Variants in ADAMTS17 observed in about 807,000 individuals in gnomAD.
The protein encoded by ADAMTS17 is A disintegrin and metalloproteinase with thrombospondin motifs 17.
In ADAMTS17, 113 loss-of-function variants were observed where a neutral mutation model predicts 141.5. The ratio of observed to expected loss-of-function variants is 0.80; its 90% CI spans 0.69 to 0.93. ADAMTS17 has a LOEUF of 0.93. ADAMTS17 is among the 40% of genes least tolerant of loss of function. The pLI is 0.00. For missense variants in ADAMTS17, 1,659 were observed against 1,517.9 expected (o/e 1.09, Z -1.54); for synonymous variants, 768 against 630.6 (o/e 1.22, Z -3.27).
At chr15:100,262,594 T>G (rs1338568803) in intron 4 of ADAMTS17, among the ~76,000 whole-genome samples, 159 bp from the exon 5 acceptor site, 1 of 152,096 alleles carries the variant, frequency 6.6e-6, no homozygotes, top group Non-Finnish European at 1.5e-5. Flanking sequence ...GTATCAGTAT[T>G]GGTGCATTAA....
At chr15:100,276,681 A>G (rs1263401380) in intron 4 of ADAMTS17, among the ~76,000 whole-genome samples, 1 of 152,124 alleles carries the variant, frequency 6.6e-6, no homozygotes, top group Non-Finnish European at 1.5e-5. Context: ...ACAGCCCCAC[A>G]GAAAACATGC....
intron 7 of ADAMTS17, among the ~76,000 whole-genome samples, chr15:100,220,516 G>A (rs2042101402): frequency 1.3e-5 from 2 of 152,148 alleles, no homozygotes; most frequent in Admixed American, 1.3e-4. Flanking sequence ...TTTTGTATTA[G>A]GATATAATTC....
At chr15:100,323,575 G>T (rs1241938754) in intron 3 of ADAMTS17, among the ~76,000 whole-genome samples, 2 of 151,900 alleles carry the variant, frequency 1.3e-5, no homozygotes, top group Non-Finnish European at 2.9e-5. Flanking sequence ...TACTCAAGAA[G>T]TTAGGGAAAA....
At position 99,993,352 on chromosome 15, in the gene ADAMTS17, G is replaced by T; in HGVS notation, c.2797-152C>A. On this transcript the variant is annotated intron_variant, in intron 19 of 21. Coordinates refer to ENST00000268070, the MANE Select transcript of ADAMTS17 (RefSeq NM_139057.4). The surrounding 1 kb of genome is among the most constrained non-coding windows in gnomAD (Gnocchi z 4.3). ...GTCCTCAAAAAGCTCCTGGTCTGCA[G>T]GGTCTTACGCACGTGGTCCCAGCTG... 8.3e-7 allele frequency: 1 copy of T among 1,206,066 alleles called. No homozygotes were observed. The highest frequency in any genetic ancestry group is 1.2e-6 in the Non-Finnish European group (1 of 839,604). 74.7% of individuals were successfully genotyped at this position (1,206,066 alleles called of 1,614,324 possible). A position where few individuals can be genotyped will look rare whatever the true frequency, so the allele number is the denominator to read the frequency against.
chr15:100,277,581 G>A (rs1567474060), intron 4 of ADAMTS17, among the ~76,000 whole-genome samples: 2 of 152,222 alleles, frequency 1.3e-5, no homozygotes, highest in African/African-American at 4.8e-5. Flanking sequence ...CTGGTGCAGA[G>A]CCAAGCCCCT....
chr15:100,022,037 G>A (rs996341962), intron 18 of ADAMTS17, among the ~76,000 whole-genome samples: 1 of 152,170 alleles, frequency 6.6e-6, no homozygotes, highest in African/African-American at 2.4e-5. Context: ...TAGGAGTCAA[G>A]AGGCTCAGAT....
At chr15:100,236,616 T>C (rs910215858) in intron 7 of ADAMTS17, among the ~76,000 whole-genome samples, 1 of 152,094 alleles carries the variant, frequency 6.6e-6, no homozygotes, top group African/African-American at 2.4e-5. Flanking sequence ...GACAGGAGGA[T>C]CACTAGAGGC....
In ADAMTS17 at chr15:99,996,442, T is replaced by C. The variant is rs557247564; in HGVS notation, c.2796+943A>G. On this transcript the variant is annotated intron_variant, in intron 19 of 21. Transcript: ENST00000268070. ...AATGTTAAACTGACAAACGTAAGCA[T>C]AGACAAAGACAAAAAAATCAAACAA... is the stretch of plus-strand genomic sequence containing the variant. Among the ~76,000 whole-genome samples, 6 of 152,274 alleles carry C rather than the reference T, an allele frequency of 3.9e-5. No homozygotes were observed. In the South Asian group the frequency reaches 1.0e-3, roughly 26 times the overall value.
chr15:100,305,497 C>G (rs562373360), intron 3 of ADAMTS17, among the ~76,000 whole-genome samples: 1 of 152,304 alleles, frequency 6.6e-6, no homozygotes, highest in Admixed American at 6.5e-5. Context: ...CACAAGGCCC[C>G]CTAGATGGCC....
intron 12 of ADAMTS17, among the ~76,000 whole-genome samples, chr15:100,122,557 T>C (rs1259416686): frequency 6.6e-6 from 1 of 152,210 alleles, no homozygotes; most frequent in Non-Finnish European, 1.5e-5. Context: ...CCCTCACATG[T>C]AGTAGAAAAT....
At chr15:100,324,036 A>AG (rs1415423283) in intron 3 of ADAMTS17, among the ~76,000 whole-genome samples, 1 of 151,738 alleles carries the variant, frequency 6.6e-6, no homozygotes, top group African/African-American at 2.4e-5. Context: ...AAAAAAAAAA[A>AG]AAAAGAAGAA....
chr15:99,975,432 A>G (rs1209480100), intron 21 of ADAMTS17, among the ~76,000 whole-genome samples: 1 of 151,950 alleles, frequency 6.6e-6, no homozygotes, highest in South Asian at 2.1e-4. Flanking sequence ...CTGGTCTCGA[A>G]CTCCTGACCT....
intron 13 of ADAMTS17, among the ~76,000 whole-genome samples, chr15:100,109,650 G>A (rs948457685): frequency 6.6e-6 from 1 of 152,094 alleles, no homozygotes; most frequent in African/African-American, 2.4e-5. Flanking sequence ...CTGAGTGGGA[G>A]TAAGGTACAA....
At chr15:100,122,151 C>G (rs1245474682) in intron 12 of ADAMTS17, among the ~76,000 whole-genome samples, 2 of 152,204 alleles carry the variant, frequency 1.3e-5, no homozygotes, top group African/African-American at 4.8e-5. Flanking sequence ...CTTGGGTGCT[C>G]TGCCTCAGAC....
intron 4 of ADAMTS17, among the ~76,000 whole-genome samples, chr15:100,274,436 G>T (rs7163659): frequency 0.54 from 82,680 of 151,906 alleles, 22,624 homozygotes; most frequent in South Asian, 0.63. Context: ...TTGCCTCTTG[G>T]AAGCTTTTTG....
intron 2 of ADAMTS17, among the ~76,000 whole-genome samples, chr15:100,331,464 T>C (rs74037841): frequency 0.075 from 11,371 of 152,206 alleles, 1,370 homozygotes; most frequent in African/African-American, 0.25. Flanking sequence ...ATGTATCTTA[T>C]CCCTGGGTAT....
rs184190031 is a variant in ADAMTS17, at chr15:100,277,826, G to A, written c.789+3403C>T. Among the ~76,000 whole-genome samples the A allele has an allele frequency of 3.5e-4, 53 of 152,348 alleles. No homozygotes were observed. The East Asian group carries it at 8.9e-3, about 25-fold the overall frequency. ...AATTGAAAGCAGGGACTTGAACAGAGATTTGCACACCCACGTTCATAGCAA... is the reference window on the plus strand; with the variant it reads ...AATTGAAAGCAGGGACTTGAACAGAAATTTGCACACCCACGTTCATAGCAA... On this transcript the variant is annotated intron_variant, in intron 4 of 21. Transcript: ENST00000268070.
intron 10 of ADAMTS17, among the ~76,000 whole-genome samples, chr15:100,133,736 G>A (rs1445334369): frequency 1.3e-5 from 2 of 152,174 alleles, no homozygotes; most frequent in African/African-American, 2.4e-5. Flanking sequence ...GGGCTTGCTG[G>A]AAGAGGCAAC....
At position 100,096,485 on chromosome 15, in the gene ADAMTS17, CCA is replaced by C; in HGVS notation, c.2017-11_2017-10del. ...CCGTCACAGCCGATTTTCTAAAGAACCAGAGGGCCTCATTATTCTGTGGTTAA... is the reference window on the plus strand; with the variant it reads ...CCGTCACAGCCGATTTTCTAAAGAACGAGGGCCTCATTATTCTGTGGTTAA... On this transcript the variant is annotated splice_polypyrimidine_tract_variant and intron_variant, in intron 14 of 21. Transcript: ENST00000268070. 6.2e-7 allele frequency: 1 copy of C among 1,614,080 alleles called. No homozygotes were observed. Among genetic ancestry groups the C allele is most frequent in the Non-Finnish European group, 8.5e-7 (1 of 1,180,024 alleles).
Sources: allele counts gnomAD v4.1 joint callset (sites outside exome capture counted in the v4.1 genomes callset), GRCh38; gene constraint gnomAD v4.1.1; non-coding constraint Gnocchi (gnomAD v3.1); transcripts MANE v1.5; gene names NCBI Gene and HGNC (gene_info 2026-07-23, HGNC 2026-07-21).